Variants in RAB10 observed in about 807,000 individuals in gnomAD.
RAB10 encodes the protein RAB10, member RAS oncogene family.
Under a neutral mutation model 25.7 loss-of-function variants are expected in RAB10, and 5 were observed. The ratio of observed to expected loss-of-function variants is 0.19; its 90% CI spans 0.10 to 0.41. The LOEUF (loss-of-function observed/expected upper bound fraction) is 0.41, where lower values mean the gene tolerates loss of function less well. RAB10 is among the 10% of genes least tolerant of loss of function. RAB10 has a pLI of 1.00. For missense variants in RAB10, 103 were observed against 245.8 expected (o/e 0.42, Z 3.89); for synonymous variants, 89 against 86.4 (o/e 1.03, Z -0.16).
chr2:26,116,385 CATATA>C (rs1332195697), intron 3 of RAB10, among the ~76,000 whole-genome samples: 3 of 152,006 alleles, frequency 2.0e-5, no homozygotes, highest in South Asian at 2.1e-4. Context: ...TTGATACTCA[CATATA>C]ATATAGGTTG....
intron 2 of RAB10, among the ~76,000 whole-genome samples, chr2:26,108,615 TA>T (rs576568660): frequency 8.8e-4 from 53 of 60,362 alleles, no homozygotes; most frequent in Admixed American, 2.5e-3. Context: ...TAAGTGCATG[TA>T]AAAAAAAAAA....
At chr2:26,114,713 A>T (rs1667645031) in intron 3 of RAB10, among the ~76,000 whole-genome samples, 1 of 151,060 alleles carries the variant, frequency 6.6e-6, no homozygotes, top group African/African-American at 2.5e-5. Context: ...CAACATGGTG[A>T]AACCCCATCT....
intron 5 of RAB10, 146 bp downstream of exon 5, chr2:26,128,097 C>T: frequency 1.4e-6 from 1 of 708,308 alleles, no homozygotes; most frequent in Non-Finnish European, 2.4e-6. Flanking sequence ...TTTTTGGCAC[C>T]AAGGACTGGT....
chr2:26,054,027 T>TC (rs1265813871), intron 1 of RAB10, among the ~76,000 whole-genome samples: 3 of 147,694 alleles, frequency 2.0e-5, no homozygotes, highest in Admixed American at 6.8e-5. Context: ...TTTTTTTTTT[T>TC]CCCTTCTGTT....
intron 1 of RAB10, among the ~76,000 whole-genome samples, chr2:26,051,626 T>C (rs560613290): frequency 7.5e-5 from 11 of 146,076 alleles, no homozygotes; most frequent in Admixed American, 2.1e-4. Context: ...TGGTGGTGAG[T>C]GCCTGTAGTC....
At chr2:26,110,753 T>G (rs1176945973) in intron 3 of RAB10, among the ~76,000 whole-genome samples, 1 of 152,188 alleles carries the variant, frequency 6.6e-6, no homozygotes, top group Non-Finnish European at 1.5e-5. Flanking sequence ...TCACCCAGGC[T>G]GGAGTGCAGT....
At chr2:26,127,115 T>G (rs770603216) in intron 3 of RAB10, 29 bp from the exon 4 acceptor site, 1 of 1,526,066 alleles carries the variant, frequency 6.6e-7, no homozygotes, top group Admixed American at 2.0e-5. Flanking sequence ...CATGGTAGTA[T>G]GTAAAAGTAA....
At chr2:26,101,962 T>A (rs1053444009) in intron 2 of RAB10, 1 of 152,244 alleles carries the variant, frequency 6.6e-6, no homozygotes, top group Non-Finnish European at 1.5e-5. Flanking sequence ...ACTCGTCATG[T>A]CTTTGATCAG....
chr2:26,127,724 A>G (rs1667932303), intron 4 of RAB10, 126 bp from the exon 5 acceptor site: 1 of 636,754 alleles, frequency 1.6e-6, no homozygotes, highest in African/African-American at 1.8e-5. Context: ...TTGCTGAAAT[A>G]TTCTGTGTTA....
At chr2:26,061,002 T>A (rs943732064) in intron 1 of RAB10, among the ~76,000 whole-genome samples, 1 of 151,644 alleles carries the variant, frequency 6.6e-6, no homozygotes, top group Non-Finnish European at 1.5e-5. Flanking sequence ...TGTAGTTTCT[T>A]TATATAAAAT....
rs774914310 is a variant in RAB10, at chr2:26,034,614, G to A, written c.6G>A (p.Ala2=). Residue 2 remains alanine (A), a synonymous_variant, in exon 1 of 6, where the codon GCG becomes GCA. Transcript: ENST00000264710. M[A]KKTYDLLFKL... ...AGCCCGAGCCGCTCCTCCCAATGGC[G>A]AAGAAGACGTACGACCTGCTTTTCA... 1 of 1,613,544 alleles carries A rather than the reference G, an allele frequency of 6.2e-7. No homozygotes were observed. Among genetic ancestry groups the A allele is most frequent in the African/African-American group, 1.3e-5 (1 of 75,052 alleles).
intron 2 of RAB10, among the ~76,000 whole-genome samples, chr2:26,100,416 C>T (rs1667318697): frequency 6.6e-6 from 1 of 152,132 alleles, no homozygotes; most frequent in South Asian, 2.1e-4. Context: ...ATTGTCCTTA[C>T]TTAAAGTAAT....
chr2:26,130,103 A>G (rs1223183786), intron 5 of RAB10, among the ~76,000 whole-genome samples: 1 of 152,206 alleles, frequency 6.6e-6, no homozygotes, highest in Non-Finnish European at 1.5e-5. Flanking sequence ...GACTATAGGC[A>G]GTTTAGTTTT....
intron 2 of RAB10, among the ~76,000 whole-genome samples, chr2:26,107,604 T>C (rs1259587858): frequency 6.6e-6 from 1 of 152,124 alleles, no homozygotes; most frequent in East Asian, 1.9e-4. Flanking sequence ...GAGACGAGCC[T>C]GGCCAACATG....
chr2:26,087,941 A>T (rs1667023276), intron 1 of RAB10, among the ~76,000 whole-genome samples: 1 of 152,248 alleles, frequency 6.6e-6, no homozygotes, highest in Non-Finnish European at 1.5e-5. Flanking sequence ...CCCATATTGG[A>T]AAATGACCTT....
Position 26,127,947 on chromosome 2 carries a change from G to A in RAB10, c.515G>A (p.Arg172Gln), listed in dbSNP as rs757078844. The A allele has an allele frequency of 9.4e-6, 15 of 1,590,042 alleles. No individual in the cohort carries two copies. The Admixed American group carries it at 1.2e-4, about 12-fold the overall frequency. The change falls in exon 5 of 6, where the codon CGA becomes CAA. Residue 172 changes from arginine (R) to glutamine (Q), a missense_variant. By Grantham distance (43) the Arg-to-Gln change is conservative. Around this residue, in one of 2 missense-constraint regions of RAB10, gnomAD observed 79 missense variants for 217.8 expected, o/e 0.36. Transcript: ENST00000264710. The part of the protein sequence containing the change: ...AFLTLAEDIL[R>Q]KTPVKEPNSE... ...CTCACGTTAGCTGAAGATATCCTTC[G>A]AAAGGTAAGTTCCTGTTTTTATATC... is the stretch of plus-strand genomic sequence containing the variant.
At chr2:26,050,851 C>A (rs949395517) in intron 1 of RAB10, among the ~76,000 whole-genome samples, 2 of 152,036 alleles carry the variant, frequency 1.3e-5, no homozygotes, top group Admixed American at 6.6e-5. Context: ...AAGTGATTGT[C>A]CCACTTCAGC....
Position 26,135,496 on chromosome 2 carries a change from C to T in RAB10, c.*475C>T, listed in dbSNP as rs1668092761. 2 of 152,840 alleles carry T rather than the reference C, an allele frequency of 1.3e-5. 1 individual carries two copies. Among genetic ancestry groups the T allele is most frequent in the Admixed American group, 1.3e-4 (2 of 15,264 alleles). 9.5% of individuals were successfully genotyped at this position (152,840 alleles called of 1,614,324 possible). ...AAAGCCAGGAAAACACTCATTTTCG[C>T]CTTGAATATGTAAATGGGATTAATT... is the stretch of plus-strand genomic sequence containing the variant. On this transcript the variant is annotated 3_prime_UTR_variant, in exon 6 of 6. Transcript: ENST00000264710.
At chr2:26,086,017 A>AGGGG (rs1376178404) in intron 1 of RAB10, among the ~76,000 whole-genome samples, 11 of 71,454 alleles carry the variant, frequency 1.5e-4, no homozygotes, top group South Asian at 5.1e-4. Context: ...AAAAAAAAAA[A>AGGGG]GGGGGGGGGC....
Sources: gnomAD v4.1 joint callset for allele counts (sites outside exome capture counted in the v4.1 genomes callset) on GRCh38, gnomAD v4.1.1 for gene constraint, gnomAD v4.1.1 regional missense constraint, MANE v1.5 for transcripts, NCBI Gene and HGNC (gene_info 2026-07-23, HGNC 2026-07-21) for gene names.